Variants in DIAPH3 observed in about 807,000 individuals in gnomAD.
DIAPH3 encodes protein diaphanous homolog 3.
DIAPH3 carries 117 observed loss-of-function variants against 144.3 expected under a neutral mutation model. The observed-to-expected ratio is 0.81, with a 90% CI of 0.70 to 0.95. The LOEUF (loss-of-function observed/expected upper bound fraction) is 0.95. Ranked by LOEUF, DIAPH3 falls within the 40% of genes least tolerant of loss-of-function variation. The pLI, the probability that DIAPH3 is intolerant of heterozygous loss-of-function variation, is 0.00. For synonymous variants in DIAPH3, 519 were observed against 488.9 expected, an observed-to-expected ratio of 1.06 and a Z score of -0.81; for missense variants, 1,421 against 1,412.7, an observed-to-expected ratio of 1.01 and a Z score of -0.09.
chr13:59,970,736 T>C (rs1402488767), intron 16 of DIAPH3, 116 bp downstream of exon 16: 1 of 910,856 alleles, frequency 1.1e-6, no homozygotes, highest in African/African-American at 1.7e-5. Flanking sequence ...AAATTATGTA[T>C]ATATAAATTA....
In DIAPH3 at chr13:59,879,084, T is replaced by C. The variant is rs572475906; in HGVS notation, c.2607+145A>G. 69 of 1,141,128 alleles carry C rather than the reference T, an allele frequency of 6.0e-5. No individual in the cohort carries two copies. The Middle Eastern group carries it at 8.9e-4, about 15-fold the overall frequency. The allele number at this position is 1,141,128 out of a possible 1,614,324, so 70.7% of individuals were successfully genotyped here. On this transcript the variant is annotated intron_variant, in intron 21 of 27. Coordinates refer to ENST00000400324, the MANE Select transcript of DIAPH3 (RefSeq NM_001042517.2). The stretch of plus-strand genomic sequence containing the variant: ...CAGAGGTTGAGTAAATTAGCTCAGT[T>C]CACTCTGGGTTTGAGTTCATGGTTC...
At chr13:60,049,616 T>C (rs1335404350) in intron 4 of DIAPH3, among the ~76,000 whole-genome samples, 1 of 152,202 alleles carries the variant, frequency 6.6e-6, no homozygotes, top group African/African-American at 2.4e-5. Context: ...CCCCAGTCTA[T>C]GGATTCATTT....
chr13:60,144,545 A>C (rs1951416546), intron 1 of DIAPH3, among the ~76,000 whole-genome samples: 1 of 152,208 alleles, frequency 6.6e-6, no homozygotes, highest in Admixed American at 6.5e-5. Context: ...GCTAAACACA[A>C]GGCAGAATAT....
At chr13:59,738,333 G>T (rs1328714943) in intron 27 of DIAPH3, among the ~76,000 whole-genome samples, 1 of 152,054 alleles carries the variant, frequency 6.6e-6, no homozygotes, top group Non-Finnish European at 1.5e-5. Context: ...AAGAGGGTGG[G>T]GGTGAATGGG....
At chr13:59,725,901 A>C (rs1284136907) in intron 27 of DIAPH3, among the ~76,000 whole-genome samples, 2 of 152,184 alleles carry the variant, frequency 1.3e-5, no homozygotes, top group Non-Finnish European at 2.9e-5. Flanking sequence ...CCTTATTACA[A>C]AGGTAAAAGA....
At chr13:59,802,998 A>G (rs1237000077) in intron 25 of DIAPH3, among the ~76,000 whole-genome samples, 1 of 152,088 alleles carries the variant, frequency 6.6e-6, no homozygotes, top group African/African-American at 2.4e-5. Context: ...TATATTATGA[A>G]TCAGCAAAAT....
chr13:59,758,795 TAAGA>T (rs961624338), intron 27 of DIAPH3, among the ~76,000 whole-genome samples: 1 of 150,972 alleles, frequency 6.6e-6, no homozygotes, highest in Non-Finnish European at 1.5e-5. Context: ...TTTTTTTTTT[TAAGA>T]GACAGGGTCT....
At chr13:59,869,151 C>T (rs2044107300) in intron 21 of DIAPH3, among the ~76,000 whole-genome samples, 1 of 152,100 alleles carries the variant, frequency 6.6e-6, no homozygotes, top group African/African-American at 2.4e-5. Context: ...AGTTGATGTG[C>T]CACATTTTGC....
intron 27 of DIAPH3, among the ~76,000 whole-genome samples, chr13:59,724,471 C>A (rs958321274): frequency 1.3e-5 from 2 of 152,038 alleles, no homozygotes; most frequent in Non-Finnish European, 2.9e-5. Context: ...GCCTTACTCT[C>A]GGTATTTCTT....
chr13:60,073,073 G>A (rs1438521418), intron 4 of DIAPH3, among the ~76,000 whole-genome samples: 3 of 152,092 alleles, frequency 2.0e-5, no homozygotes, highest in African/African-American at 7.2e-5. Context: ...CTTTGGGAGG[G>A]TGAGGCAGGC....
At chr13:59,976,516 C>T (rs2050688653) in intron 14 of DIAPH3, among the ~76,000 whole-genome samples, 1 of 151,926 alleles carries the variant, frequency 6.6e-6, no homozygotes, top group African/African-American at 2.4e-5. Flanking sequence ...CCATATTAGA[C>T]AGGCCAGTTC....
At chr13:60,049,879 CT>C (rs1322487411) in intron 4 of DIAPH3, among the ~76,000 whole-genome samples, 1 of 152,144 alleles carries the variant, frequency 6.6e-6, no homozygotes, top group Non-Finnish European at 1.5e-5. Context: ...AAAATAATAT[CT>C]TTTGTTCTAA....
At chr13:59,902,120 T>G (rs2046468515) in intron 20 of DIAPH3, among the ~76,000 whole-genome samples, 1 of 152,204 alleles carries the variant, frequency 6.6e-6, no homozygotes, top group Admixed American at 6.5e-5. Flanking sequence ...TTATTTTGAC[T>G]GTTAAACATG....
At chr13:60,114,054 T>C (rs2058638528) in intron 2 of DIAPH3, among the ~76,000 whole-genome samples, 1 of 152,228 alleles carries the variant, frequency 6.6e-6, no homozygotes, top group Admixed American at 6.5e-5. Flanking sequence ...TGACACATTC[T>C]GGACTTTGAA....
rs1416117006 is a variant in DIAPH3, at chr13:59,970,871, C to T, written c.1940G>A (p.Arg647Lys). The T allele has an allele frequency of 6.2e-7, 1 of 1,612,976 alleles. No homozygotes were observed. Among genetic ancestry groups the T allele is most frequent in the Non-Finnish European group, 8.5e-7 (1 of 1,179,824 alleles). The change falls in exon 16 of 28, where the codon AGA (arginine) becomes AAA (lysine). Residue 647 changes from arginine to lysine, a missense_variant. Coordinates refer to ENST00000400324, the MANE Select transcript of DIAPH3 (RefSeq NM_001042517.2). ...TTTTACCTTTAACCAATTCAATCTTCTCATGCTGATTTCAGGTTTAAATTC... is the reference window on the plus strand; with the variant it reads ...TTTTACCTTTAACCAATTCAATCTTTTCATGCTGATTTCAGGTTTAAATTC... Reference protein sequence around the residue: ...KKEFKPEISMRRLNWLKIRPH... With the variant: ...KKEFKPEISMKRLNWLKIRPH...
intron 27 of DIAPH3, among the ~76,000 whole-genome samples, chr13:59,729,672 G>C (rs1253014052): frequency 6.6e-6 from 1 of 151,952 alleles, no homozygotes; most frequent in Non-Finnish European, 1.5e-5. Context: ...AACTTGTAAA[G>C]TCTGAATAAG....
intron 14 of DIAPH3, among the ~76,000 whole-genome samples, chr13:59,974,736 A>C (rs930040018): frequency 6.6e-6 from 1 of 152,034 alleles, no homozygotes; most frequent in African/African-American, 2.4e-5. Context: ...TATCTGCAGC[A>C]TTGGCATTTT....
intron 27 of DIAPH3, among the ~76,000 whole-genome samples, chr13:59,698,179 C>T (rs905498068): frequency 2.6e-5 from 4 of 152,158 alleles, no homozygotes; most frequent in African/African-American, 9.6e-5. Context: ...CTCATACTTA[C>T]CAATACATTT....
At chr13:59,824,703 C>G (rs1441121601) in intron 24 of DIAPH3, among the ~76,000 whole-genome samples, 1 of 152,020 alleles carries the variant, frequency 6.6e-6, no homozygotes, top group East Asian at 1.9e-4. Flanking sequence ...TATGTCTATA[C>G]CCATCTACAA....
Sources: gnomAD v4.1 joint callset for allele counts (sites outside exome capture counted in the v4.1 genomes callset) on GRCh38, gnomAD v4.1.1 for gene constraint, MANE v1.5 for transcripts, NCBI Gene and HGNC (gene_info 2026-07-23, HGNC 2026-07-21) for gene names.